The following VAV3 variants were observed in gnomAD, a reference collection of about 807,000 sequenced individuals.
The protein encoded by VAV3 is vav guanine nucleotide exchange factor 3.
VAV3 carries 94 observed loss-of-function variants against 131.2 expected under a neutral mutation model. The observed-to-expected ratio is 0.72, with a 90% CI of 0.61 to 0.85. The LOEUF (loss-of-function observed/expected upper bound fraction) is 0.85, where lower values mean the gene tolerates loss of function less well. Among genes scored for constraint, VAV3 ranks in the 40% least tolerant of loss-of-function variants. The pLI is 0.00. For synonymous variants in VAV3, 349 were observed against 342.0 expected (o/e 1.02, Z -0.22); for missense variants, 939 against 1,002.7 (o/e 0.94, Z 0.86).
At chr1:107,912,694 AACTAGCTCCTCCAGGTCAGGG>A (rs1214483865) in intron 1 of VAV3, among the ~76,000 whole-genome samples, 3 of 152,208 alleles carry the variant, frequency 2.0e-5, no homozygotes, top group Non-Finnish European at 4.4e-5. Flanking sequence ...CCAAAATATT[AACTAGCTCCTCCAGGTCAGGG>A]ACTAGATACC....
intron 22 of VAV3, 126 bp downstream of exon 22, chr1:107,609,805 A>G: frequency 1.1e-6 from 1 of 941,174 alleles, no homozygotes; most frequent in South Asian, 1.6e-5. Flanking sequence ...GTTTTGTTAC[A>G]TCTGAAAACA....
chr1:107,818,548 T>C (rs1474636706), intron 2 of VAV3, among the ~76,000 whole-genome samples: 3 of 151,998 alleles, frequency 2.0e-5, no homozygotes, highest in Admixed American at 6.6e-5. Flanking sequence ...ATGGTATTAT[T>C]TAGAACAGTT....
intron 2 of VAV3, among the ~76,000 whole-genome samples, chr1:107,871,916 A>G (rs1287627215): frequency 6.6e-6 from 1 of 152,188 alleles, no homozygotes; most frequent in African/African-American, 2.4e-5. Context: ...AGAGTAAACA[A>G]CTTTAACCAC....
intron 25 of VAV3, among the ~76,000 whole-genome samples, chr1:107,593,581 C>A (rs1651135192): frequency 6.6e-6 from 1 of 152,022 alleles, no homozygotes; most frequent in Admixed American, 6.6e-5. Flanking sequence ...TAGATGATAG[C>A]AGCATACCTA....
At chr1:107,721,156 T>A (rs761403373) in intron 15 of VAV3, among the ~76,000 whole-genome samples, 2 of 152,126 alleles carry the variant, frequency 1.3e-5, no homozygotes, top group Non-Finnish European at 2.9e-5. Flanking sequence ...CATAAGAGAC[T>A]GAATCAGGGC....
chr1:107,895,998 C>G, intron 1 of VAV3, among the ~76,000 whole-genome samples: 1 of 152,144 alleles, frequency 6.6e-6, no homozygotes, highest in Non-Finnish European at 1.5e-5. Flanking sequence ...AGCGGGGATC[C>G]ATTTTCAGCT....
intron 2 of VAV3, among the ~76,000 whole-genome samples, chr1:107,868,883 T>C (rs1670124007): frequency 6.6e-6 from 1 of 152,174 alleles, no homozygotes; most frequent in South Asian, 2.1e-4. Flanking sequence ...AGGAATGTAT[T>C]GGTTCATGGA....
intron 1 of VAV3, among the ~76,000 whole-genome samples, chr1:107,897,986 G>A (rs1671681831): frequency 6.6e-6 from 1 of 152,002 alleles, no homozygotes; most frequent in Non-Finnish European, 1.5e-5. Flanking sequence ...TTTAAAATAT[G>A]AGTATGAAAA....
At chr1:107,947,007 C>T (rs1278376723) in intron 1 of VAV3, among the ~76,000 whole-genome samples, 1 of 152,148 alleles carries the variant, frequency 6.6e-6, no homozygotes, top group Non-Finnish European at 1.5e-5. Flanking sequence ...CAGAGGAAGC[C>T]AAGGGAACCC....
chr1:107,882,241 A>C (rs1670818306), intron 1 of VAV3, among the ~76,000 whole-genome samples: 1 of 152,174 alleles, frequency 6.6e-6, no homozygotes, highest in Admixed American at 6.5e-5. Context: ...CTTATATTTG[A>C]TGAGGCAAGG....
At chr1:107,601,268 G>A (rs1651839897) in intron 24 of VAV3, among the ~76,000 whole-genome samples, 1 of 152,118 alleles carries the variant, frequency 6.6e-6, no homozygotes. Flanking sequence ...ACATGACCTT[G>A]CTGCCCATCC....
intron 9 of VAV3, among the ~76,000 whole-genome samples, chr1:107,761,130 CTG>C (rs1363464714): frequency 6.6e-6 from 1 of 152,130 alleles, no homozygotes. Flanking sequence ...TGGCTCACGC[CTG>C]TAATCCCAGC....
chr1:107,907,979 A>AT (rs1557916255), intron 1 of VAV3, among the ~76,000 whole-genome samples: 1 of 152,212 alleles, frequency 6.6e-6, no homozygotes, highest in Non-Finnish European at 1.5e-5. Flanking sequence ...TATGGTCCTG[A>AT]TTAAGTGTTC....
At chr1:107,756,461 G>A (rs1007246759) in intron 11 of VAV3, among the ~76,000 whole-genome samples, 4 of 152,042 alleles carry the variant, frequency 2.6e-5, no homozygotes, top group Admixed American at 6.6e-5. Flanking sequence ...TAATTATGTG[G>A]TGTTTCCTGT....
At chr1:107,699,241 G>A (rs955745102) in intron 17 of VAV3, among the ~76,000 whole-genome samples, 8 of 152,244 alleles carry the variant, frequency 5.3e-5, no homozygotes, top group African/African-American at 9.6e-5. Context: ...CAGGCATTGT[G>A]TAAATACACC....
intron 1 of VAV3, among the ~76,000 whole-genome samples, chr1:107,896,680 T>C (rs1671596444): frequency 6.8e-6 from 1 of 148,034 alleles, no homozygotes; most frequent in Non-Finnish European, 1.5e-5. Flanking sequence ...TATATGGTTG[T>C]TGTAATTTTA....
At chr1:107,845,079 C>A (rs1399477163) in intron 2 of VAV3, among the ~76,000 whole-genome samples, 2 of 152,178 alleles carry the variant, frequency 1.3e-5, no homozygotes, top group Non-Finnish European at 2.9e-5. Context: ...CTGGTGGGTG[C>A]CCCTCTGGGA....
intron 19 of VAV3, among the ~76,000 whole-genome samples, chr1:107,680,606 G>A (rs1294319768): frequency 6.6e-6 from 1 of 152,052 alleles, no homozygotes; most frequent in East Asian, 1.9e-4. Context: ...GGAATGTAGT[G>A]GTGCCATCAC....
At chr1:107,714,316 T>A (rs1346679233) in intron 15 of VAV3, among the ~76,000 whole-genome samples, 1 of 152,120 alleles carries the variant, frequency 6.6e-6, no homozygotes, top group African/African-American at 2.4e-5. Context: ...ATCAGAATAG[T>A]CTATCCCAGT....
Sources: gnomAD v4.1 joint callset for allele counts (sites outside exome capture counted in the v4.1 genomes callset) on GRCh38, gnomAD v4.1.1 for gene constraint, MANE v1.5 for transcripts, NCBI Gene and HGNC (gene_info 2026-07-23, HGNC 2026-07-21) for gene names.